The following HEXA variants were observed in gnomAD, a reference collection of about 807,000 sequenced individuals.
HEXA encodes hexosaminidase subunit alpha.
A neutral mutation model predicts 73.3 loss-of-function variants in HEXA; 54 were observed. The observed-to-expected ratio is 0.74, with a 90% CI of 0.59 to 0.92. HEXA has a LOEUF of 0.92. HEXA is among the 40% of genes least tolerant of loss of function. The pLI is 0.00. For synonymous variants in HEXA, 230 were observed against 246.9 expected, an observed-to-expected ratio of 0.93 and a Z score of 0.64; for missense variants, 649 against 653.0, an observed-to-expected ratio of 0.99 and a Z score of 0.07.
At chr15:72,345,578 T>A in intron 12 of HEXA, 28 bp from the exon 13 acceptor site, 3 of 1,613,278 alleles carry the variant, frequency 1.9e-6, no homozygotes, top group Non-Finnish European at 2.5e-6. Context: ...TGTGCCAGAT[T>A]GGGCCCTGTA....
At chr15:72,349,481 G>C (rs1567297652) in intron 7 of HEXA, among the ~76,000 whole-genome samples, 1 of 152,220 alleles carries the variant, frequency 6.6e-6, no homozygotes, top group Non-Finnish European at 1.5e-5. Context: ...CAGAGGCTAA[G>C]TTCCAGCCAG....
chr15:72,366,989 G>C (rs1228909338), intron 1 of HEXA, among the ~76,000 whole-genome samples: 1 of 151,778 alleles, frequency 6.6e-6, no homozygotes, highest in African/African-American at 2.4e-5. Flanking sequence ...TGTTGCCCAG[G>C]CTGGAGTGCA....
At chr15:72,349,286 G>GT (rs1339986677) in intron 7 of HEXA, 27 bp from the exon 8 acceptor site, 5 of 1,587,746 alleles carry the variant, frequency 3.1e-6, no homozygotes, top group Non-Finnish European at 4.3e-6. Context: ...CCCCATATGA[G>GT]TGTCACAAAT....
chr15:72,350,757 T>C (rs1595800206), intron 6 of HEXA, 107 bp from the exon 7 acceptor site: 15 of 1,280,816 alleles, frequency 1.2e-5, no homozygotes, highest in South Asian at 6.1e-5. Flanking sequence ...AACCTGCCCA[T>C]AGCCCTTTGG....
At chr15:72,365,223 G>C (rs1340257856) in intron 1 of HEXA, among the ~76,000 whole-genome samples, 1 of 152,146 alleles carries the variant, frequency 6.6e-6, no homozygotes. Context: ...CTGAGTAGCT[G>C]GGACCACAGG....
At chr15:72,372,824 TGTATTGCATTA>T (rs2089010544) in intron 1 of HEXA, among the ~76,000 whole-genome samples, 1 of 152,186 alleles carries the variant, frequency 6.6e-6, no homozygotes, top group Non-Finnish European at 1.5e-5. Context: ...AACCAGAAGT[TGTATTGCATTA>T]GGAAAAACAC....
At chr15:72,351,595 G>A (rs527277643) in intron 5 of HEXA, 26 of 352,082 alleles carry the variant, frequency 7.4e-5, no homozygotes, top group African/African-American at 3.4e-4. Context: ...ATTTGTGTTC[G>A]GTTGTCTGAC....
Position 72,343,975 on chromosome 15 carries a change from G to C in HEXA, c.*102C>G. 1 of 955,386 alleles carries C rather than the reference G, an allele frequency of 1.0e-6. No homozygotes were observed. The highest frequency in any genetic ancestry group is 1.7e-6 in the Non-Finnish European group (1 of 588,462). The allele number at this position is 955,386 out of a possible 1,614,324, so 59.2% of individuals were successfully genotyped here. ...TCCAAGCACAGGGGCACGCAGGCAA[G>C]GGGCACGAAGGCAAGGGGCTCCGTC... is the stretch of plus-strand genomic sequence containing the variant. On this transcript the variant is annotated 3_prime_UTR_variant, in exon 14 of 14. Transcript: ENST00000268097.
chr15:72,370,549 A>G, intron 1 of HEXA: 1 of 398,398 alleles, frequency 2.5e-6, no homozygotes, highest in East Asian at 3.6e-5. Flanking sequence ...AAATAAAAAA[A>G]TTAGCTGGGT....
At chr15:72,358,686 A>T (rs1276516358) in intron 1 of HEXA, 2 of 152,130 alleles carry the variant, frequency 1.3e-5, no homozygotes, top group African/African-American at 4.8e-5. Context: ...AAGTTCTCTC[A>T]GTGACTCATC....
chr15:72,350,928 A>G, intron 6 of HEXA: 1 of 637,188 alleles, frequency 1.6e-6, no homozygotes, highest in Non-Finnish European at 2.8e-6. Flanking sequence ...AGGCCAGAAG[A>G]GATTCTCTCC....
chr15:72,370,261 T>C (rs1382740991), intron 1 of HEXA: 1 of 185,534 alleles, frequency 5.4e-6, no homozygotes, highest in Non-Finnish European at 1.1e-5. Flanking sequence ...TCAAACAGAA[T>C]ATCCAAAGCA....
chr15:72,362,269 C>T, intron 1 of HEXA: 1 of 200,770 alleles, frequency 5.0e-6, no homozygotes, highest in South Asian at 6.2e-5. Flanking sequence ...CTGTTATTCC[C>T]CCCCTCTTTC....
At position 72,375,715 on chromosome 15, in the gene HEXA, C is replaced by A. The variant is rs781345077; in HGVS notation, c.253+5G>T. On this transcript the variant is annotated splice_donor_5th_base_variant and intron_variant, in intron 1 of 13. Coordinates refer to ENST00000268097, the MANE Select transcript of HEXA (RefSeq NM_000520.6). ...CAGGAACAGGGCGGGACAAGTCCGACTCACCTGTGAGGTAAGGACGGGGCC... is the reference window on the plus strand; with the variant it reads ...CAGGAACAGGGCGGGACAAGTCCGAATCACCTGTGAGGTAAGGACGGGGCC... The A allele has an allele frequency of 1.9e-6, 3 of 1,613,970 alleles. No individual in the cohort carries two copies. In the Admixed American group the frequency reaches 5.0e-5, roughly 27 times the overall value.
intron 2 of HEXA, chr15:72,355,890 C>G (rs1277494717): frequency 9.0e-6 from 5 of 554,928 alleles, no homozygotes; most frequent in South Asian, 7.7e-5. Flanking sequence ...GAGTGGAGGT[C>G]TGTACAAAGC....
At position 72,353,692 on chromosome 15, in the gene HEXA, G is replaced by T; in HGVS notation, c.458C>A (p.Thr153Lys). The T allele has an allele frequency of 6.2e-7, 1 of 1,611,082 alleles. No homozygotes were observed. The highest frequency in any genetic ancestry group is 8.5e-7 in the Non-Finnish European group (1 of 1,177,192). Residue 153 changes from threonine to lysine, a missense_variant and splice_region_variant, in exon 4 of 14, where the codon ACA becomes AAA. Coordinates refer to ENST00000268097, the MANE Select transcript of HEXA (RefSeq NM_000520.6). ...SQLVWKSAEGTFFINKTEIED... is the reference protein window; with the variant it reads ...SQLVWKSAEGKFFINKTEIED... The stretch of plus-strand genomic sequence containing the variant: ...CCCTTTTTGAGGGTCCACACTTACT[G>T]TGCCCTCAGCAGATTTCCAAACAAG...
At position 72,372,187 on chromosome 15, in the gene HEXA, A is replaced by G. The variant is rs2089002849; in HGVS notation, c.253+3533T>C. Among the ~76,000 whole-genome samples the G allele has an allele frequency of 2.6e-5, 4 of 151,964 alleles. No homozygotes were observed. The South Asian group carries it at 6.2e-4, about 24-fold the overall frequency. On this transcript the variant is annotated intron_variant, in intron 1 of 13. Transcript: ENST00000268097. ...ATCGCTACTAAACCCCGTCTCTACT[A>G]AAAAATAAAAAATTAGCCAGGCATG...
chr15:72,345,337 G>A lies in HEXA; in HGVS notation c.1526+109C>T, dbSNP rs942097828. ...ATCCGTGGATGAGGGCTGACTATAAGCCTCTGTAAGTGTTAGCTATTGTTA... is the reference window on the plus strand; with the variant it reads ...ATCCGTGGATGAGGGCTGACTATAAACCTCTGTAAGTGTTAGCTATTGTTA... On this transcript the variant is annotated intron_variant, in intron 13 of 13. Transcript: ENST00000268097. The A allele has an allele frequency of 2.6e-6, 4 of 1,549,962 alleles. No homozygotes were observed. In the African/African-American group the frequency reaches 4.1e-5, roughly 16 times the overall value.
chr15:72,353,764 A>G (rs1003611100), intron 3 of HEXA, 27 bp from the exon 4 acceptor site: 9 of 1,559,554 alleles, frequency 5.8e-6, no homozygotes, highest in Non-Finnish European at 7.1e-6. Flanking sequence ...AGGCAGAGTA[A>G]AGACTCAGGG....
Sources: allele counts gnomAD v4.1 joint callset (sites outside exome capture counted in the v4.1 genomes callset), GRCh38; gene constraint gnomAD v4.1.1; transcripts MANE v1.5; gene names NCBI Gene and HGNC (gene_info 2026-07-23, HGNC 2026-07-21).